The following BOC variants were observed in gnomAD, a reference collection of about 807,000 sequenced individuals.
The protein encoded by BOC is BOC cell adhesion associated, oncogene regulated.
BOC carries 76 observed loss-of-function variants against 112.0 expected under a neutral mutation model. The ratio of observed to expected loss-of-function variants is 0.68; its 90% CI spans 0.56 to 0.82. The LOEUF is 0.82. Ranked by LOEUF, BOC falls within the 40% of genes least tolerant of loss-of-function variation. The pLI is 0.00. For missense variants in BOC, 1,309 were observed against 1,511.7 expected (o/e 0.87, Z 2.22); for synonymous variants, 580 against 599.8 (o/e 0.97, Z 0.48).
chr3:113,219,436 G>A (rs142450293), intron 2 of BOC, among the ~76,000 whole-genome samples: 1 of 152,338 alleles, frequency 6.6e-6, no homozygotes, highest in East Asian at 1.9e-4. Flanking sequence ...GGGAAAATGG[G>A]CATTATTATC....
At chr3:113,244,988 TC>T (rs1237705782) in intron 2 of BOC, among the ~76,000 whole-genome samples, 2 of 152,160 alleles carry the variant, frequency 1.3e-5, no homozygotes, top group Non-Finnish European at 2.9e-5. Flanking sequence ...GCCCAAAGTC[TC>T]CCTTCTGAAT....
chr3:113,266,619 A>G (rs17320507), intron 4 of BOC, among the ~76,000 whole-genome samples: 6,426 of 152,316 alleles, frequency 0.042, 190 homozygotes, highest in Middle Eastern at 0.082. Flanking sequence ...CGTGGGGCTC[A>G]GCTTCCAAGA....
intron 4 of BOC, chr3:113,261,968 G>GT (rs1559855984): frequency 2.0e-5 from 3 of 150,226 alleles, no homozygotes; most frequent in South Asian, 2.1e-4. Flanking sequence ...ATCTACAAAG[G>GT]TTTGTTTTTT....
At chr3:113,232,974 A>G (rs1667415813) in intron 2 of BOC, among the ~76,000 whole-genome samples, 1 of 152,172 alleles carries the variant, frequency 6.6e-6, no homozygotes, top group Non-Finnish European at 1.5e-5. Context: ...ATAAAAGTCT[A>G]GGAGGAATGT....
At chr3:113,235,133 G>A (rs1943246908) in intron 2 of BOC, among the ~76,000 whole-genome samples, 1 of 152,194 alleles carries the variant, frequency 6.6e-6, no homozygotes, top group African/African-American at 2.4e-5. Context: ...TTGTTTACAT[G>A]CCTTTTGGCT....
chr3:113,279,965 C>G lies in BOC; in HGVS notation c.2165C>G (p.Thr722Arg), dbSNP rs368545065. 6.2e-7 allele frequency: 1 copy of G among 1,613,140 alleles called. No individual in the cohort carries two copies. Among genetic ancestry groups the G allele is most frequent in the Non-Finnish European group, 8.5e-7 (1 of 1,179,540 alleles). ...RPVAGPYITF[T>R]DAVNETTIML... is the part of the protein sequence containing the mutation. ...GTGGCAGGTCCTTATATCACCTTCA[C>G]GGATGCGGTCAATGAGACCACCATC... is the stretch of plus-strand genomic sequence containing the variant. Residue 722 changes from threonine (T) to arginine (R), a missense_variant, in exon 13 of 20, where the codon ACG (threonine) becomes AGG (arginine). Physicochemically the swap from Thr to Arg is moderately conservative, Grantham distance 71. Coordinates refer to ENST00000682979, the MANE Select transcript of BOC (RefSeq NM_001378074.1).
At chr3:113,283,952 G>A (rs1240679903) in intron 16 of BOC, among the ~76,000 whole-genome samples, 1 of 152,014 alleles carries the variant, frequency 6.6e-6, no homozygotes, top group African/African-American at 2.4e-5. Flanking sequence ...TCTTCCCTGG[G>A]TGCGGAGCTG....
intron 2 of BOC, among the ~76,000 whole-genome samples, chr3:113,236,313 C>CCCATGGGTATATATATATATATATAT: frequency 2.2e-5 from 1 of 45,560 alleles, no homozygotes; most frequent in African/African-American, 6.0e-5. Context: ...TATATATATA[C>CCCATGGGTATATATATATATATATAT]CCATGGAATA....
chr3:113,263,793 C>T (rs1456113258), intron 4 of BOC, among the ~76,000 whole-genome samples: 2 of 152,218 alleles, frequency 1.3e-5, no homozygotes, highest in Non-Finnish European at 2.9e-5. Context: ...ATTCAAGAGA[C>T]ATTCAAGATA....
chr3:113,234,518 A>G (rs755732662), intron 2 of BOC, among the ~76,000 whole-genome samples: 1 of 152,300 alleles, frequency 6.6e-6, no homozygotes, highest in South Asian at 2.1e-4. Context: ...GCCATGCTAC[A>G]TTTCAATTTT....
rs1338045136 is a variant in BOC at position 113,280,603 on chromosome 3, A to G, written c.2251A>G (p.Ile751Val). The G allele has an allele frequency of 8.1e-6, 13 of 1,612,882 alleles. No homozygotes were observed. Among genetic ancestry groups the G allele is most frequent in the South Asian group, 1.1e-5 (1 of 91,038 alleles). The change falls in exon 14 of 20, where the codon ATC becomes GTC. Residue 751 changes from isoleucine (I) to valine (V), a missense_variant. Ile to Val is a conservative substitution (Grantham distance 29). Transcript: ENST00000682979. Reference protein sequence around the residue: ...NNNTPIHGFYIYYRPTDSDND... With the variant: ...NNNTPIHGFYVYYRPTDSDND... ...CAACACCCCAATCCATGGCTTTTAT[A>G]TCTATTATCGACCCACAGACAGTGA...
intron 4 of BOC, among the ~76,000 whole-genome samples, chr3:113,260,721 A>ACAGAAAGAACAGAACAGAAC (rs1553737946): frequency 6.5e-5 from 6 of 92,262 alleles, no homozygotes; most frequent in South Asian, 7.5e-4. Flanking sequence ...ACAGAACAGA[A>ACAGAAAGAACAGAACAGAAC]AGAACAGAAC....
intron 1 of BOC, among the ~76,000 whole-genome samples, chr3:113,213,542 G>A (rs1938686058): frequency 6.6e-6 from 1 of 152,136 alleles, no homozygotes; most frequent in Non-Finnish European, 1.5e-5. Flanking sequence ...CACAGTCTTG[G>A]GCTGCTTGTG....
chr3:113,236,282 GTATATATA>G (rs71706132), intron 2 of BOC, among the ~76,000 whole-genome samples: 2,129 of 64,546 alleles, frequency 0.033, 330 homozygotes, highest in Admixed American at 0.21. Flanking sequence ...ATACCCATGG[GTATATATA>G]TATATATATA....
At chr3:113,267,903 C>G (rs545694301) in intron 4 of BOC, among the ~76,000 whole-genome samples, 1 of 152,168 alleles carries the variant, frequency 6.6e-6, no homozygotes, top group Non-Finnish European at 1.5e-5. Flanking sequence ...TCTCTTGTAT[C>G]GTTCCCTTCC....
chr3:113,278,464 C>A lies in BOC; in HGVS notation c.1705+207C>A, dbSNP rs1948867676. Among the ~76,000 whole-genome samples the A allele has an allele frequency of 6.6e-6, 1 of 152,062 alleles. No homozygotes were observed. Among genetic ancestry groups the A allele is most frequent in the South Asian group, 2.1e-4 (1 of 4,822 alleles). On this transcript the variant is annotated intron_variant, in intron 10 of 19. Transcript: ENST00000682979. The surrounding 1 kb of genome is among the most constrained non-coding windows in gnomAD (Gnocchi z 4.2). ...GTAGCCAGCCGGCCTCTCTGGCACC[C>A]CTTCATCCCTCTCTCACACAGGGGC... is the stretch of plus-strand genomic sequence containing the variant.
intron 11 of BOC, among the ~76,000 whole-genome samples, 175 bp from the exon 12 acceptor site, chr3:113,279,074 C>A (rs1248084296): frequency 6.6e-6 from 1 of 152,184 alleles, no homozygotes; most frequent in Non-Finnish European, 1.5e-5. Context: ...TAGCTCAAAG[C>A]CCAGGCAGCC....
At chr3:113,262,822 A>G (rs556727788) in intron 4 of BOC, among the ~76,000 whole-genome samples, 2 of 152,348 alleles carry the variant, frequency 1.3e-5, no homozygotes, top group South Asian at 4.1e-4. Flanking sequence ...TTGTCCATCA[A>G]TGAAGCAGTT....
At chr3:113,238,963 G>A (rs988787281) in intron 2 of BOC, among the ~76,000 whole-genome samples, 5 of 152,226 alleles carry the variant, frequency 3.3e-5, no homozygotes, top group Admixed American at 6.5e-5. Flanking sequence ...GACAGTGCCT[G>A]AGAGCTAGTT....
Sources: allele counts gnomAD v4.1 joint callset (sites outside exome capture counted in the v4.1 genomes callset), GRCh38; gene constraint gnomAD v4.1.1; non-coding constraint Gnocchi (gnomAD v3.1); transcripts MANE v1.5; gene names NCBI Gene and HGNC (gene_info 2026-07-23, HGNC 2026-07-21).